NEK10: variants seen among roughly 807,000 people sequenced by gnomAD.
NEK10 encodes the protein serine/threonine-protein kinase Nek10.
In NEK10, 122 loss-of-function variants were observed where a neutral mutation model predicts 159.8. That is an observed-to-expected ratio of 0.76 (90% confidence interval 0.66 to 0.89). The LOEUF is 0.89. NEK10 is among the 40% of genes least tolerant of loss of function. The pLI is 0.00. For missense variants in NEK10, 1,342 were observed against 1,323.1 expected (o/e 1.01, Z -0.22); for synonymous variants, 466 against 457.1 (o/e 1.02, Z -0.25).
chr3:27,317,895 C>T (rs754361014), intron 6 of NEK10, among the ~76,000 whole-genome samples: 23 of 152,108 alleles, frequency 1.5e-4, no homozygotes, highest in Non-Finnish European at 2.9e-4. Context: ...CTCCGCCTCC[C>T]GGGTTCACGC....
At chr3:27,179,957 T>C (rs1947903858) in intron 26 of NEK10, among the ~76,000 whole-genome samples, 1 of 151,916 alleles carries the variant, frequency 6.6e-6, no homozygotes, top group African/African-American at 2.4e-5. Context: ...GGCAGGCACC[T>C]GTAATCCCAG....
chr3:27,259,388 T>C lies in NEK10; in HGVS notation c.2015-3017A>G, dbSNP rs1575485585. ...ACGTCTTTAATCCACCTTGAATTAA[T>C]TTTTGTATAAGGTGTAAGGAAGGGA... is the stretch of plus-strand genomic sequence containing the variant. On this transcript the variant is annotated intron_variant, in intron 22 of 35. Coordinates refer to ENST00000691995, the MANE Select transcript of NEK10 (RefSeq NM_001394966.1). Among the ~76,000 whole-genome samples, 5 of 152,220 alleles carry C rather than the reference T, an allele frequency of 3.3e-5. No individual in the cohort carries two copies. In the South Asian group the frequency reaches 1.0e-3, roughly 31 times the overall value.
intron 9 of NEK10, 140 bp from the exon 10 acceptor site, chr3:27,309,145 T>TTTC (rs1559476944): frequency 4.5e-6 from 1 of 223,304 alleles, no homozygotes; most frequent in Non-Finnish European, 7.6e-6. Context: ...GGCTTAACTG[T>TTTC]TTTTTTTTTT....
intron 9 of NEK10, 200 bp downstream of exon 9, chr3:27,310,749 C>A: frequency 2.5e-6 from 1 of 405,726 alleles, no homozygotes; most frequent in South Asian, 9.3e-5. Flanking sequence ...TTCCAGAAAA[C>A]TTGTATTTAT....
At chr3:27,332,657 G>A in intron 5 of NEK10, among the ~76,000 whole-genome samples, 1 of 152,202 alleles carries the variant, frequency 6.6e-6, no homozygotes, top group Non-Finnish European at 1.5e-5. Flanking sequence ...GCAAGGAATG[G>A]ACTAACAAAG....
At chr3:27,191,001 T>C (rs1949062917) in intron 26 of NEK10, among the ~76,000 whole-genome samples, 1 of 152,224 alleles carries the variant, frequency 6.6e-6, no homozygotes, top group Non-Finnish European at 1.5e-5. Context: ...TTTAAGGCAA[T>C]GAAGATGAAA....
intron 23 of NEK10, chr3:27,255,321 T>G (rs781730384): frequency 2.3e-6 from 1 of 428,158 alleles, no homozygotes; most frequent in South Asian, 1.7e-5. Context: ...AGAATAAAGA[T>G]GTAAAACATA....
intron 22 of NEK10, chr3:27,265,697 T>A (rs2040829408): frequency 6.6e-6 from 1 of 152,150 alleles, no homozygotes; most frequent in East Asian, 1.9e-4. Context: ...GGTATCTTCC[T>A]TAGTGAAATG....
rs765067980 is a variant in NEK10, at chr3:27,192,122, C to T, written c.2412G>A (p.Lys804=). 6.2e-7 allele frequency: 1 copy of T among 1,614,216 alleles called. No homozygotes were observed. Among genetic ancestry groups the T allele is most frequent in the South Asian group, 1.1e-5 (1 of 91,084 alleles). ...LSTSQLSLEK[K]LERERRRTQR... ...GTGTGCGTCTTCGTTCCCGTTCTAG[C>T]TTCTTTTCCAAGGACAACTGGGATG... Residue 804 remains lysine, a synonymous_variant, in exon 26 of 36, where the codon AAG becomes AAA. Coordinates refer to ENST00000691995, the MANE Select transcript of NEK10 (RefSeq NM_001394966.1).
At chr3:27,206,837 C>T (rs9844682) in intron 23 of NEK10, among the ~76,000 whole-genome samples, 27,147 of 152,082 alleles carry the variant, frequency 0.18, 4,601 homozygotes, top group African/African-American at 0.45. Flanking sequence ...TACAAAACAA[C>T]CCTGCAGGAC....
intron 32 of NEK10, among the ~76,000 whole-genome samples, chr3:27,122,121 G>GA (rs1431400405): frequency 2.6e-5 from 4 of 152,062 alleles, no homozygotes; most frequent in African/African-American, 9.7e-5. Context: ...ACTGATAACT[G>GA]AGGTAATTGG....
chr3:27,352,763 A>G (rs1209234468), intron 2 of NEK10, 49 bp downstream of exon 2: 106 of 1,280,510 alleles, frequency 8.3e-5, no homozygotes, highest in Non-Finnish European at 1.2e-4. Context: ...AATCTGTTCA[A>G]TGGCCACTGC....
chr3:27,363,177 G>T (rs2149890250), intron 1 of NEK10, among the ~76,000 whole-genome samples: 1 of 152,272 alleles, frequency 6.6e-6, no homozygotes, highest in Non-Finnish European at 1.5e-5. Flanking sequence ...GTATGGAAAG[G>T]CTGGATGTCG....
rs140958685 is a variant in NEK10, at chr3:27,174,745, G to T, written c.2594C>A (p.Pro865His). 1,210 of 1,613,696 alleles carry T rather than the reference G, an allele frequency of 7.5e-4. 4 individuals are homozygous for T. The highest frequency in any genetic ancestry group is 3.3e-3 in the South Asian group (300 of 90,988). ...SELSESADLPPEGFQASYGKD... is the reference protein window; with the variant it reads ...SELSESADLPHEGFQASYGKD... Reference sequence around the variant, plus strand: ...ACCATAGGAGGCCTGGAAGCCTTCAGGGGGCAGGTCTGCGCTTTCTGAAAG... The same window carrying T: ...ACCATAGGAGGCCTGGAAGCCTTCATGGGGCAGGTCTGCGCTTTCTGAAAG... Residue 865 changes from proline (P) to histidine (H), a missense_variant, in exon 27 of 36, where the codon CCT becomes CAT. Physicochemically the swap from Pro to His is moderately conservative, Grantham distance 77 (BLOSUM62 -2). Transcript: ENST00000691995.
chr3:27,120,520 G>A (rs368178274), intron 32 of NEK10, among the ~76,000 whole-genome samples: 1 of 151,424 alleles, frequency 6.6e-6, no homozygotes, highest in Non-Finnish European at 1.5e-5. Context: ...AGTAGAGATG[G>A]GGTTTCACCA....
chr3:27,204,215 G>A (rs887776437), intron 23 of NEK10, among the ~76,000 whole-genome samples: 3 of 140,806 alleles, frequency 2.1e-5, no homozygotes, highest in African/African-American at 7.9e-5. Context: ...ACTCCCCACA[G>A]CCAGCACCTG....
At chr3:27,219,167 G>A (rs1033045233) in intron 23 of NEK10, among the ~76,000 whole-genome samples, 9 of 152,140 alleles carry the variant, frequency 5.9e-5, no homozygotes, top group African/African-American at 2.2e-4. Context: ...CCTTAAAGGC[G>A]TAGCCACCAT....
chr3:27,280,821 AC>A (rs1213193260), intron 22 of NEK10, among the ~76,000 whole-genome samples: 1 of 152,090 alleles, frequency 6.6e-6, no homozygotes, highest in African/African-American at 2.4e-5. Flanking sequence ...GACAGATAAT[AC>A]TAAGCAGGAA....
chr3:27,362,135 G>T (rs1290648906), intron 1 of NEK10, among the ~76,000 whole-genome samples: 3 of 152,192 alleles, frequency 2.0e-5, no homozygotes, highest in Non-Finnish European at 2.9e-5. Flanking sequence ...TTTGTGAACT[G>T]TGAACTTGAA....
Sources: gnomAD v4.1 joint callset for allele counts (sites outside exome capture counted in the v4.1 genomes callset) on GRCh38, gnomAD v4.1.1 for gene constraint, MANE v1.5 for transcripts, NCBI Gene and HGNC (gene_info 2026-07-23, HGNC 2026-07-21) for gene names.